CPEB2: variants seen among roughly 807,000 people sequenced by gnomAD.
The protein encoded by CPEB2 is cytoplasmic polyadenylation element binding protein 2.
In CPEB2, 56 loss-of-function variants were observed where a neutral mutation model predicts 93.6. That is an observed-to-expected ratio of 0.60 (90% CI 0.48 to 0.75). The LOEUF is 0.75. Ranked by LOEUF, CPEB2 falls within the 30% of genes least tolerant of loss-of-function variation. The pLI is 0.00. For missense variants in CPEB2, 1,579 were observed against 1,395.1 expected, an observed-to-expected ratio of 1.13 and a Z score of -2.10; for synonymous variants, 764 against 586.3, an observed-to-expected ratio of 1.30 and a Z score of -4.38.
At position 15,044,921 on chromosome 4, in the gene CPEB2, TCTTTATTATAA is replaced by T. The variant is rs1169106765; in HGVS notation, c.2200+4437_2200+4447del. Among the ~76,000 whole-genome samples, 4 of 152,194 alleles carry T rather than the reference TCTTTATTATAA, an allele frequency of 2.6e-5. No homozygotes were observed. In the East Asian group the frequency reaches 7.7e-4, roughly 29 times the overall value. The stretch of plus-strand genomic sequence containing the variant: ...CTCTTATTACTTCATTCATCTATAA[TCTTTATTATAA>T]CTACTATTTTGCCTTTAAAATTATA... On this transcript the variant is annotated intron_variant, in intron 6 of 11. Coordinates refer to ENST00000538197, the MANE Select transcript of CPEB2 (RefSeq NM_001177382.2).
In CPEB2 at chr4:15,003,413, A is replaced by G. The variant is rs1722269666; in HGVS notation, c.740A>G (p.Gln247Arg). 2.6e-5 allele frequency: 35 copies of G among 1,360,698 alleles called. No individual in the cohort carries two copies. The highest frequency in any genetic ancestry group is 3.3e-5 in the Non-Finnish European group (35 of 1,067,316). The allele number at this position is 1,360,698 out of a possible 1,614,324, so 84.3% of individuals were successfully genotyped here. A position where few individuals can be genotyped will look rare whatever the true frequency, so the allele number is the denominator to read the frequency against. ...CTGCATCAGCAGCACCTCTCGCCGC[A>G]GGACTTCGCCCCGCGGCAGCGTCCG... ...SLLHQQHLSP[Q>R]DFAPRQRPAD... The change falls in exon 1 of 12, where the codon CAG becomes CGG. Residue 247 changes from glutamine to arginine, a missense_variant. By Grantham distance (43) the Gln-to-Arg change is conservative (BLOSUM62 1). Transcript: ENST00000538197.
intron 3 of CPEB2, 60 bp from the exon 4 acceptor site, chr4:15,017,128 A>C (rs1443474700): frequency 6.7e-6 from 6 of 901,856 alleles, no homozygotes; most frequent in Admixed American, 5.7e-5. Context: ...ATAGTGTTTT[A>C]TAATCGCTTT....
Position 15,065,848 on chromosome 4 carries a change from A to T in CPEB2, c.2878-305A>T, listed in dbSNP as rs75268670. On this transcript the variant is annotated intron_variant, in intron 11 of 11. Transcript: ENST00000538197. ...GGAAAAGGTGTGGAAACTGTCTTCC[A>T]TGACTACTTGATATCTCTTTTGTTT... Among the ~76,000 whole-genome samples, 1,080 of 152,188 alleles carry T rather than the reference A, an allele frequency of 7.1e-3. 8 individuals are homozygous for T. Among genetic ancestry groups the T allele is most frequent in the African/African-American group, 0.025 (1,036 of 41,540 alleles).
At chr4:15,052,272 G>T in intron 6 of CPEB2, 142 bp from the exon 7 acceptor site, 1 of 498,738 alleles carries the variant, frequency 2.0e-6, no homozygotes, top group East Asian at 3.2e-5. Context: ...AAAACCACAT[G>T]CTATTTAAAT....
At chr4:15,006,062 T>C (rs76134168) in intron 1 of CPEB2, among the ~76,000 whole-genome samples, 8 of 47,702 alleles carry the variant, frequency 1.7e-4, no homozygotes, top group Non-Finnish European at 5.1e-4. Context: ...AGCTTTCATA[T>C]GGAATTTTAG....
rs924042586 is a variant in CPEB2, at chr4:15,002,916, C to T, written c.243C>T (p.Ser81=). Residue 81 remains serine, a synonymous_variant, in exon 1 of 12, where the codon TCC becomes TCT. Coordinates refer to ENST00000538197, the MANE Select transcript of CPEB2 (RefSeq NM_001177382.2). ...CGGGCAGCCCGGCCGCCGCCGCTTC[C>T]TCTTCCTCCCCGTTCCTGGCGCATC... ...GGAGSPAAAA[S]SSSPFLAHQQ... The T allele has an allele frequency of 8.6e-6, 13 of 1,514,826 alleles. No homozygotes were observed. The Admixed American group carries it at 2.8e-4, about 32-fold the overall frequency. The allele number at this position is 1,514,826 out of a possible 1,614,324, so 93.8% of individuals were successfully genotyped here. A position where few individuals can be genotyped will look rare whatever the true frequency, so the allele number is the denominator to read the frequency against.
At chr4:15,004,383 G>A (rs1722493967) in intron 1 of CPEB2, 48 bp downstream of exon 1, 1 of 1,336,728 alleles carries the variant, frequency 7.5e-7, no homozygotes, top group Admixed American at 3.7e-5. Context: ...GGAGACCATG[G>A]GCGGGGGACG....
intron 4 of CPEB2, among the ~76,000 whole-genome samples, chr4:15,020,456 T>C (rs1301984604): frequency 6.6e-6 from 1 of 152,166 alleles, no homozygotes; most frequent in African/African-American, 2.4e-5. Flanking sequence ...CTGACCTAAC[T>C]GAGGACTGGT....
chr4:15,033,227 A>C lies in CPEB2; in HGVS notation c.2176+16A>C. On this transcript the variant is annotated intron_variant, in intron 5 of 11. Coordinates refer to ENST00000538197, the MANE Select transcript of CPEB2 (RefSeq NM_001177382.2). Reference sequence around the variant, plus strand: ...ATGTTAAATGGTAAGTTTTATAAAAACATTTTATGTTTCCAGTTGATTTAT... The same window carrying C: ...ATGTTAAATGGTAAGTTTTATAAAACCATTTTATGTTTCCAGTTGATTTAT... The C allele has an allele frequency of 6.7e-7, 1 of 1,501,594 alleles. No individual in the cohort carries two copies. Among genetic ancestry groups the C allele is most frequent in the Non-Finnish European group, 9.3e-7 (1 of 1,080,120 alleles). The allele number at this position is 1,501,594 out of a possible 1,614,324, so 93.0% of individuals were successfully genotyped here. A position where few individuals can be genotyped will look rare whatever the true frequency, so the allele number is the denominator to read the frequency against.
chr4:15,033,579 G>A (rs1038357122), intron 5 of CPEB2, among the ~76,000 whole-genome samples: 2 of 152,172 alleles, frequency 1.3e-5, no homozygotes, highest in African/African-American at 4.8e-5. Flanking sequence ...GTTTGCAAAG[G>A]CATAGAACTT....
chr4:15,062,021 A>G, intron 10 of CPEB2, 58 bp from the exon 11 acceptor site: 1 of 1,443,624 alleles, frequency 6.9e-7, no homozygotes, highest in Non-Finnish European at 9.4e-7. Flanking sequence ...AAAGTACTTA[A>G]AAATTGTTGA....
intron 6 of CPEB2, among the ~76,000 whole-genome samples, chr4:15,050,061 CTGTT>C (rs1160762573): frequency 4.6e-5 from 7 of 152,146 alleles, no homozygotes; most frequent in Non-Finnish European, 1.0e-4. Flanking sequence ...GGTCCGTGGC[CTGTT>C]TGTTTAATAT....
At chr4:15,048,060 T>C (rs1727879129) in intron 6 of CPEB2, among the ~76,000 whole-genome samples, 4 of 152,042 alleles carry the variant, frequency 2.6e-5, no homozygotes. Context: ...AAATCAATCT[T>C]ACGTTCCTGG....
chr4:15,062,819 A>AT (rs1197799865), intron 11 of CPEB2, among the ~76,000 whole-genome samples: 1 of 152,028 alleles, frequency 6.6e-6, no homozygotes, highest in Non-Finnish European at 1.5e-5. Flanking sequence ...TAAACTTAAA[A>AT]TTTTTTTAGT....
At chr4:15,022,450 A>G (rs146906773) in intron 4 of CPEB2, among the ~76,000 whole-genome samples, 222 of 152,196 alleles carry the variant, frequency 1.5e-3, no homozygotes, top group African/African-American at 5.1e-3. Context: ...AATTGCCAAT[A>G]ACAAAAAAGA....
In CPEB2 at chr4:15,068,226, T is replaced by G. The variant is rs1486237911; in HGVS notation, c.*1846T>G. Reference sequence around the variant, plus strand: ...TTAATATTGGTTGTCTGTGGTGTGCTTTTTTGTACTGTAAAAATATGTGGT... The same window carrying G: ...TTAATATTGGTTGTCTGTGGTGTGCGTTTTTGTACTGTAAAAATATGTGGT... On this transcript the variant is annotated 3_prime_UTR_variant, in exon 12 of 12. Transcript: ENST00000538197. 1 of 152,304 alleles carries G rather than the reference T, an allele frequency of 6.6e-6. No homozygotes were observed. The highest frequency in any genetic ancestry group is 2.4e-5 in the African/African-American group (1 of 41,390). 9.4% of individuals were successfully genotyped at this position (152,304 alleles called of 1,614,324 possible). A position where few individuals can be genotyped will look rare whatever the true frequency, so the allele number is the denominator to read the frequency against.
At chr4:15,054,498 A>G (rs1204523310) in intron 8 of CPEB2, among the ~76,000 whole-genome samples, 1 of 152,238 alleles carries the variant, frequency 6.6e-6, no homozygotes, top group Non-Finnish European at 1.5e-5. Flanking sequence ...AACAGTTGAA[A>G]TATCAGATTT....
intron 4 of CPEB2, among the ~76,000 whole-genome samples, chr4:15,018,101 A>G (rs1344665704): frequency 6.6e-6 from 1 of 151,908 alleles, no homozygotes; most frequent in Non-Finnish European, 1.5e-5. Flanking sequence ...GAAATTCAGG[A>G]GCAGCTTAAC....
Position 15,003,211 on chromosome 4 carries a change from A to G in CPEB2, c.538A>G (p.Lys180Glu). ...QQQQLSSQKR[K>E]EFSPPHLPHP... The stretch of plus-strand genomic sequence containing the variant: ...GCAGCAGCTGAGCAGCCAGAAGAGG[A>G]AAGAGTTCAGCCCTCCCCACCTTCC... The change falls in exon 1 of 12, where the codon AAA becomes GAA. Residue 180 changes from lysine to glutamate, a missense_variant. By Grantham distance (56) the Lys-to-Glu change is moderately conservative (BLOSUM62 1). This residue lies in a region of CPEB2 where 1,411 missense variants were observed against 1,056.0 expected (regional missense o/e 1.34). Transcript: ENST00000538197. The G allele has an allele frequency of 2.0e-6, 3 of 1,533,138 alleles. No homozygotes were observed. The highest frequency in any genetic ancestry group is 1.7e-6 in the Non-Finnish European group (2 of 1,145,946). The allele number at this position is 1,533,138 out of a possible 1,614,324, so 95.0% of individuals were successfully genotyped here.
Sources: allele counts gnomAD v4.1 joint callset (sites outside exome capture counted in the v4.1 genomes callset), GRCh38; gene constraint gnomAD v4.1.1; regional missense constraint gnomAD v4.1.1; transcripts MANE v1.5; gene names NCBI Gene and HGNC (gene_info 2026-07-23, HGNC 2026-07-21).